TMEM117: variants seen among roughly 807,000 people sequenced by gnomAD.
TMEM117 encodes the protein transmembrane protein 117.
A neutral mutation model predicts 52.4 loss-of-function variants in TMEM117; 27 were observed. The ratio of observed to expected loss-of-function variants is 0.51; its 90% CI spans 0.38 to 0.71. The LOEUF is 0.71. TMEM117 is among the 30% of genes least tolerant of loss of function. The pLI, the probability that TMEM117 is intolerant of heterozygous loss-of-function variation, is 0.00. For missense variants in TMEM117, 556 were observed against 630.5 expected (o/e 0.88, Z 1.26); for synonymous variants, 215 against 206.3 (o/e 1.04, Z -0.36).
Position 44,079,557 on chromosome 12 carries a change from ATTGT to A in TMEM117, c.411-63961_411-63958del, listed in dbSNP as rs566045712. Among the ~76,000 whole-genome samples the A allele has an allele frequency of 4.6e-5, 7 of 152,064 alleles. No homozygotes were observed. In the South Asian group the frequency reaches 6.2e-4, roughly 14 times the overall value. ...TATCATTTGCCCACTTTTTGATGGA[ATTGT>A]TTGTTTTTTTCTTGTAAATTTAAGT... On this transcript the variant is annotated intron_variant, in intron 3 of 7. Transcript: ENST00000266534.
intron 5 of TMEM117, among the ~76,000 whole-genome samples, chr12:44,255,856 G>C (rs1393456746): frequency 6.6e-6 from 1 of 151,878 alleles, no homozygotes; most frequent in Non-Finnish European, 1.5e-5. Context: ...TTTTTAACAT[G>C]GAAAATATGT....
At chr12:43,905,483 T>A (rs1944370949) in intron 2 of TMEM117, among the ~76,000 whole-genome samples, 1 of 152,212 alleles carries the variant, frequency 6.6e-6, no homozygotes, top group Non-Finnish European at 1.5e-5. Flanking sequence ...ATATTAACTG[T>A]TAGTCAATTA....
chr12:44,360,914 C>T (rs1565755844), intron 6 of TMEM117, among the ~76,000 whole-genome samples: 1 of 152,134 alleles, frequency 6.6e-6, no homozygotes, highest in Non-Finnish European at 1.5e-5. Context: ...AACATTTCTA[C>T]TAGCTGACAG....
intron 3 of TMEM117, among the ~76,000 whole-genome samples, chr12:44,127,615 G>T (rs554678349): frequency 1.3e-5 from 2 of 152,136 alleles, no homozygotes; most frequent in South Asian, 2.1e-4. Context: ...GGCTGAGGTT[G>T]TGATGAGCTG....
chr12:44,036,226 T>A (rs1946708106), intron 3 of TMEM117, among the ~76,000 whole-genome samples: 1 of 152,210 alleles, frequency 6.6e-6, no homozygotes, highest in Non-Finnish European at 1.5e-5. Flanking sequence ...ATATGTAAAG[T>A]AAATATAGAA....
chr12:43,809,990 A>C, the TMEM117 span, among the ~76,000 whole-genome samples: 60 of 152,358 alleles, frequency 3.9e-4, no homozygotes, highest in African/African-American at 1.3e-3. Flanking sequence ...CAAGCAAATG[A>C]TATTTCTTTA....
At chr12:43,924,393 C>G (rs1266504398) in intron 2 of TMEM117, among the ~76,000 whole-genome samples, 1 of 152,042 alleles carries the variant, frequency 6.6e-6, no homozygotes, top group African/African-American at 2.4e-5. Flanking sequence ...AACATTCTGA[C>G]TGAAAGGATA....
chr12:44,299,500 A>G, intron 5 of TMEM117, 80 bp from the exon 6 acceptor site: 1 of 1,539,206 alleles, frequency 6.5e-7, no homozygotes, highest in Non-Finnish European at 8.8e-7. Flanking sequence ...CAGACATTTA[A>G]TACAACACAG....
chr12:44,393,803 CAGAT>C (rs1310285841), downstream of TMEM117, among the ~76,000 whole-genome samples: 2 of 152,140 alleles, frequency 1.3e-5, no homozygotes, highest in Non-Finnish European at 2.9e-5. Flanking sequence ...ATGATTGAAA[CAGAT>C]AAGGTCAAAT....
In TMEM117 at chr12:43,908,005, G is replaced by T. The variant is rs1344714358; in HGVS notation, c.278-36205G>T. On this transcript the variant is annotated intron_variant, in intron 2 of 7. Coordinates refer to ENST00000266534, the MANE Select transcript of TMEM117 (RefSeq NM_032256.3). The stretch of plus-strand genomic sequence containing the variant: ...CAGGAAATACAGAGAACGCCACAAA[G>T]ATACTTCTTCAAAAGAGCAACACCA... 2.2e-4 allele frequency among the ~76,000 whole-genome samples: 14 copies of T among 64,392 alleles called. 5 individuals carry two copies. Among genetic ancestry groups the T allele is most frequent in the Non-Finnish European group, 4.6e-4 (9 of 19,482 alleles). 42.2% of individuals were successfully genotyped at this position (64,392 alleles called of 152,430 possible). A position where few individuals can be genotyped will look rare whatever the true frequency, so the allele number is the denominator to read the frequency against.
At chr12:43,800,605 A>G in the TMEM117 span, 6 of 1,139,554 alleles carry the variant, frequency 5.3e-6, no homozygotes, top group Admixed American at 1.1e-4. Flanking sequence ...TTCTGAATAT[A>G]TTAATATCCT....
intron 6 of TMEM117, among the ~76,000 whole-genome samples, chr12:44,355,006 A>G (rs1381412921): frequency 6.6e-6 from 1 of 152,018 alleles, no homozygotes; most frequent in Non-Finnish European, 1.5e-5. Flanking sequence ...CTCATAATAA[A>G]TACCTTTTTA....
intron 2 of TMEM117, among the ~76,000 whole-genome samples, chr12:43,880,137 A>T (rs556318326): frequency 2.6e-5 from 4 of 152,214 alleles, no homozygotes; most frequent in Non-Finnish European, 4.4e-5. Context: ...TTTATAAAAT[A>T]AAGTAATAAT....
chr12:43,962,261 A>AT (rs1289552722), intron 3 of TMEM117, among the ~76,000 whole-genome samples: 1 of 152,094 alleles, frequency 6.6e-6, no homozygotes, highest in Non-Finnish European at 1.5e-5. Flanking sequence ...ACTTTTCTCT[A>AT]TTTCATTTGC....
At chr12:44,105,155 GA>G (rs2138087656) in intron 3 of TMEM117, among the ~76,000 whole-genome samples, 1 of 151,616 alleles carries the variant, frequency 6.6e-6, no homozygotes, top group Admixed American at 6.6e-5. Flanking sequence ...TGTTCTGTTT[GA>G]TTTTTTTTCA....
intron 4 of TMEM117, among the ~76,000 whole-genome samples, chr12:44,155,354 C>T (rs1370259698): frequency 2.6e-5 from 4 of 152,058 alleles, no homozygotes; most frequent in Admixed American, 6.6e-5. Context: ...AATACCATTG[C>T]ATTTGAAGTT....
At chr12:44,008,695 A>G (rs11182376) in intron 3 of TMEM117, 7,973 of 322,748 alleles carry the variant, frequency 0.025, 272 homozygotes, top group African/African-American at 0.093. Flanking sequence ...ACCACCTACT[A>G]AAGTTTCTTC....
At chr12:44,213,357 A>G (rs1241699567) in intron 5 of TMEM117, among the ~76,000 whole-genome samples, 3 of 152,182 alleles carry the variant, frequency 2.0e-5, no homozygotes, top group Non-Finnish European at 4.4e-5. Context: ...TTGTTTAGGT[A>G]GGGTGCTAAA....
At chr12:44,344,971 C>T (rs1951465343) in intron 6 of TMEM117, among the ~76,000 whole-genome samples, 1 of 152,028 alleles carries the variant, frequency 6.6e-6, no homozygotes. Flanking sequence ...ATCCCCTCAA[C>T]AGAGTGGGCC....
Sources: allele counts gnomAD v4.1 joint callset (sites outside exome capture counted in the v4.1 genomes callset), GRCh38; gene constraint gnomAD v4.1.1; transcripts MANE v1.5; gene names NCBI Gene and HGNC (gene_info 2026-07-23, HGNC 2026-07-21).